UNC13C: variants seen among roughly 807,000 people sequenced by gnomAD.
UNC13C encodes the protein unc-13 homolog C, also known as protein unc-13 homolog C.
Under a neutral mutation model 245.4 loss-of-function variants are expected in UNC13C, and 174 were observed. The observed-to-expected ratio is 0.71, with a 90% CI of 0.63 to 0.80. UNC13C has a LOEUF of 0.80. Ranked by LOEUF, UNC13C falls within the 30% of genes least tolerant of loss-of-function variation. The probability of loss-of-function intolerance (pLI) is 0.00; values close to 1 mark genes in which losing one functional copy is unlikely to be tolerated. For missense variants in UNC13C, 2,829 were observed against 2,602.9 expected (o/e 1.09, Z -1.89); for synonymous variants, 992 against 895.1 (o/e 1.11, Z -1.93).
At chr15:54,038,076 ATG>A (rs912991634) in intron 2 of UNC13C, among the ~76,000 whole-genome samples, 2 of 130,992 alleles carry the variant, frequency 1.5e-5, no homozygotes, top group Non-Finnish European at 3.1e-5. Context: ...TTGTATGTAT[ATG>A]TGTGTGTGTA....
At chr15:53,977,033 T>C (rs1182752307), upstream of UNC13C, 1 of 152,226 alleles carries the variant, frequency 6.6e-6, no homozygotes, top group Non-Finnish European at 1.5e-5. Flanking sequence ...AGCTTTGTCC[T>C]GCCTGCCACT....
intron 4 of UNC13C, among the ~76,000 whole-genome samples, chr15:54,168,945 G>C (rs1021033606): frequency 1.3e-5 from 2 of 152,126 alleles, no homozygotes; most frequent in African/African-American, 4.8e-5. Context: ...ATGGAAAAAT[G>C]CTAAGGGTGT....
At chr15:54,590,315 G>A (rs1898717588) in intron 30 of UNC13C, among the ~76,000 whole-genome samples, 2 of 151,982 alleles carry the variant, frequency 1.3e-5, no homozygotes, top group Non-Finnish European at 2.9e-5. Flanking sequence ...CTTTTTTCTA[G>A]CTCTGAAGAA....
chr15:54,623,937 C>A lies in UNC13C; in HGVS notation c.6342C>A (p.Tyr2114Ter), dbSNP rs754566926. 3 of 1,613,098 alleles carry A rather than the reference C, an allele frequency of 1.9e-6. No homozygotes were observed. Among genetic ancestry groups the A allele is most frequent in the South Asian group, 1.1e-5 (1 of 91,058 alleles). Residue 2114 changes from tyrosine to a stop codon, truncating the protein, a stop_gained, in exon 32 of 33, where the codon TAC becomes TAA. Transcript: ENST00000260323. LOFTEE classifies it high-confidence loss of function. ...KTKSNTWSPK[Y>*]NETFQFILGK... ...AAAGCAACACATGGTCACCAAAGTACAATGAAACATTTCAGTTGTAAGTCA... is the reference window on the plus strand; with the variant it reads ...AAAGCAACACATGGTCACCAAAGTAAAATGAAACATTTCAGTTGTAAGTCA...
chr15:54,555,451 A>T lies in UNC13C; in HGVS notation c.5897A>T (p.Asp1966Val), dbSNP rs780076508. 2.5e-6 allele frequency: 4 copies of T among 1,612,438 alleles called. No homozygotes were observed. Among genetic ancestry groups the T allele is most frequent in the Non-Finnish European group, 2.5e-6 (3 of 1,179,038 alleles). ...TTCCAGGAGCACATGATTCGAGAGGATGCCAGGGGTCTGACGCCAAGACAA... is the reference window on the plus strand; with the variant it reads ...TTCCAGGAGCACATGATTCGAGAGGTTGCCAGGGGTCTGACGCCAAGACAA... ...SKLKEHMIRE[D>V]ARGLTPRQCA... The change falls in exon 29 of 33, where the codon GAT becomes GTT. Residue 1966 changes from aspartate (D) to valine (V), a missense_variant. Asp to Val is a radical substitution (Grantham distance 152). Coordinates refer to ENST00000260323, the MANE Select transcript of UNC13C (RefSeq NM_001080534.3).
chr15:54,127,326 C>T (rs1433419791), intron 2 of UNC13C, among the ~76,000 whole-genome samples: 1 of 152,002 alleles, frequency 6.6e-6, no homozygotes, highest in Admixed American at 6.6e-5. Context: ...CAATGATAGA[C>T]TGGATAAAGA....
chr15:54,594,236 G>A (rs1402619174), intron 30 of UNC13C, among the ~76,000 whole-genome samples: 1 of 152,166 alleles, frequency 6.6e-6, no homozygotes, highest in Non-Finnish European at 1.5e-5. Flanking sequence ...GTGCCAGAGG[G>A]TGCAGTGGAC....
At chr15:54,131,721 C>T (rs754233517) in intron 2 of UNC13C, among the ~76,000 whole-genome samples, 15 of 152,202 alleles carry the variant, frequency 9.9e-5, no homozygotes, top group East Asian at 5.8e-4. Context: ...AACATATCCC[C>T]GCAGGAATAA....
chr15:54,149,828 A>G (rs1416293521), intron 4 of UNC13C, among the ~76,000 whole-genome samples: 1 of 152,230 alleles, frequency 6.6e-6, no homozygotes. Flanking sequence ...ACAATAAGAA[A>G]CACAAATAGA....
chr15:54,065,832 C>T (rs1302911190), intron 2 of UNC13C, among the ~76,000 whole-genome samples: 1 of 152,174 alleles, frequency 6.6e-6, no homozygotes, highest in East Asian at 1.9e-4. Flanking sequence ...CACCAACCTA[C>T]TCTCTGCTAT....
chr15:54,416,785 T>C (rs1402460698), intron 19 of UNC13C: 1 of 388,366 alleles, frequency 2.6e-6, no homozygotes, highest in Non-Finnish European at 5.1e-6. Context: ...CAGAACAGAC[T>C]CTTCTCTGCT....
At position 54,250,335 on chromosome 15, in the gene UNC13C, G is replaced by A. The variant is rs765767018; in HGVS notation, c.3339G>A (p.Glu1113=). Residue 1113 remains glutamate, a synonymous_variant, in exon 8 of 33, where the codon GAG becomes GAA. Coordinates refer to ENST00000260323, the MANE Select transcript of UNC13C (RefSeq NM_001080534.3). ...WTATTPTYCY[E]CEGLLWGIAR... ...CTACCACACCCACCTACTGTTATGAGTGTGAAGGGCTCCTGTGGGGCATTG... is the reference window on the plus strand; with the variant it reads ...CTACCACACCCACCTACTGTTATGAATGTGAAGGGCTCCTGTGGGGCATTG... 9.3e-6 allele frequency: 15 copies of A among 1,613,814 alleles called. No individual in the cohort carries two copies. The African/African-American group carries it at 1.7e-4, about 19-fold the overall frequency.
intron 19 of UNC13C, among the ~76,000 whole-genome samples, chr15:54,463,265 C>CCGGGGGGG (rs1402691239): frequency 3.8e-5 from 1 of 26,210 alleles, no homozygotes; most frequent in African/African-American, 3.5e-4. Context: ...AGAATGTGGG[C>CCGGGGGGG]GGGGGGGGGG....
intron 2 of UNC13C, among the ~76,000 whole-genome samples, chr15:54,126,624 A>C (rs1050526563): frequency 5.9e-5 from 9 of 152,194 alleles, no homozygotes; most frequent in Non-Finnish European, 1.2e-4. Context: ...AAATGTAGGC[A>C]ATACCATTCA....
At chr15:54,077,535 C>T (rs533100227) in intron 2 of UNC13C, among the ~76,000 whole-genome samples, 10 of 151,644 alleles carry the variant, frequency 6.6e-5, no homozygotes, top group South Asian at 4.2e-4. Context: ...TGCACCACCA[C>T]GCTCAGCTAA....
intron 19 of UNC13C, among the ~76,000 whole-genome samples, chr15:54,419,753 G>T (rs1034606733): frequency 6.6e-6 from 1 of 152,070 alleles, no homozygotes; most frequent in East Asian, 1.9e-4. Flanking sequence ...CTGGTCATCT[G>T]TGCTCCTGGA....
At chr15:54,361,607 C>T (rs1012795128) in intron 17 of UNC13C, among the ~76,000 whole-genome samples, 3 of 152,186 alleles carry the variant, frequency 2.0e-5, no homozygotes, top group African/African-American at 7.2e-5. Context: ...ATCACCTTGC[C>T]CAACTTTTGC....
At chr15:54,176,193 T>C (rs2033607810) in intron 4 of UNC13C, among the ~76,000 whole-genome samples, 1 of 114,570 alleles carries the variant, frequency 8.7e-6, no homozygotes, top group Non-Finnish European at 1.6e-5. Flanking sequence ...GATCGTAGTT[T>C]TTTTTTTCTC....
chr15:54,084,493 C>T (rs1224181383), intron 2 of UNC13C, among the ~76,000 whole-genome samples: 1 of 152,172 alleles, frequency 6.6e-6, no homozygotes, highest in Non-Finnish European at 1.5e-5. Context: ...TTATTTTCCA[C>T]GTAATTTTCA....
Sources: gnomAD v4.1 joint callset for allele counts (sites outside exome capture counted in the v4.1 genomes callset) on GRCh38, gnomAD v4.1.1 for gene constraint, MANE v1.5 for transcripts, NCBI Gene and HGNC (gene_info 2026-07-23, HGNC 2026-07-21) for gene names.